CPSF2: variants seen among roughly 807,000 people sequenced by gnomAD.
CPSF2 encodes cleavage and polyadenylation specific factor 2, also known as cleavage and polyadenylation specificity factor subunit 2.
A neutral mutation model predicts 84.2 loss-of-function variants in CPSF2; 51 were observed. The ratio of observed to expected loss-of-function variants is 0.61; its 90% CI spans 0.48 to 0.77. CPSF2 has a LOEUF of 0.77. CPSF2 is among the 30% of genes least tolerant of loss of function. The pLI is 0.00. For synonymous variants in CPSF2, 286 were observed against 311.9 expected (o/e 0.92, Z 0.87); for missense variants, 641 against 929.4 (o/e 0.69, Z 4.03).
At position 92,148,797 on chromosome 14, in the gene CPSF2, G is replaced by A. The variant is rs1465452826; in HGVS notation, c.1140+5503G>A. On this transcript the variant is annotated intron_variant, in intron 9 of 15. Coordinates refer to ENST00000298875, the MANE Select transcript of CPSF2 (RefSeq NM_017437.3). The stretch of plus-strand genomic sequence containing the variant: ...AAAAAAAAAAAAAAAAGAAAGAAAT[G>A]TATATATATATATGTAGAGAGAGAG... 4.8e-5 allele frequency among the ~76,000 whole-genome samples: 7 copies of A among 147,240 alleles called. No homozygotes were observed. In the South Asian group the frequency reaches 1.1e-3, roughly 22 times the overall value.
At position 92,154,415 on chromosome 14, in the gene CPSF2, A is replaced by G; in HGVS notation, c.1198A>G (p.Lys400Glu). The change falls in exon 10 of 16, where the codon AAA becomes GAA. Residue 400 changes from lysine to glutamate, a missense_variant. By Grantham distance (56) the Lys-to-Glu change is moderately conservative (BLOSUM62 1). This residue lies in a region of CPSF2 where 430 missense variants were observed against 553.6 expected (regional missense o/e 0.78). Transcript: ENST00000298875. ...ACTTGAAGAATACTTGGAAAAAGAG[A>G]AACTAAAGAAAGAAGCTGCCAAAAA... Reference protein sequence around the residue: ...KELEEYLEKEKLKKEAAKKLE... With the variant: ...KELEEYLEKEELKKEAAKKLE... The G allele has an allele frequency of 6.2e-7, 1 of 1,610,830 alleles. No homozygotes were observed. The highest frequency in any genetic ancestry group is 8.5e-7 in the Non-Finnish European group (1 of 1,178,994).
rs2069259780 is a variant in CPSF2 at position 92,154,256 on chromosome 14, A to G, written c.1141-102A>G. ...TTCAGAGGAAACAATCAGTTTAAAGATGATAGAGCAATTTAGAGATGTGAT... is the reference window on the plus strand; with the variant it reads ...TTCAGAGGAAACAATCAGTTTAAAGGTGATAGAGCAATTTAGAGATGTGAT... On this transcript the variant is annotated intron_variant, in intron 9 of 15. Coordinates refer to ENST00000298875, the MANE Select transcript of CPSF2 (RefSeq NM_017437.3). 4.2e-6 allele frequency: 3 copies of G among 718,410 alleles called. No homozygotes were observed. In the South Asian group the frequency reaches 6.9e-5, roughly 16 times the overall value. The allele number at this position is 718,410 out of a possible 1,614,324, so 44.5% of individuals were successfully genotyped here.
rs1037729202 is a variant in CPSF2 at position 92,163,545 on chromosome 14, G to A, written c.*1801G>A. On this transcript the variant is annotated 3_prime_UTR_variant, in exon 16 of 16. Coordinates refer to ENST00000298875, the MANE Select transcript of CPSF2 (RefSeq NM_017437.3). ...ATTTAAAGCATCTGGTTTGCATATT[G>A]TATTGTAATACTGATACAGTTTGGC... is the stretch of plus-strand genomic sequence containing the variant. 1.3e-5 allele frequency: 2 copies of A among 152,584 alleles called. No individual in the cohort carries two copies. Among genetic ancestry groups the A allele is most frequent in the Non-Finnish European group, 2.9e-5 (2 of 68,034 alleles). The allele number at this position is 152,584 out of a possible 1,614,324, so 9.5% of individuals were successfully genotyped here.
intron 8 of CPSF2, among the ~76,000 whole-genome samples, chr14:92,142,621 A>G (rs2069092458): frequency 6.6e-6 from 1 of 152,226 alleles, no homozygotes; most frequent in Admixed American, 6.5e-5. Context: ...CCCAGTCTGT[A>G]AAATGGGGAC....
intron 1 of CPSF2, among the ~76,000 whole-genome samples, chr14:92,122,988 A>T (rs903424737): frequency 6.6e-6 from 1 of 150,574 alleles, no homozygotes; most frequent in African/African-American, 2.4e-5. Flanking sequence ...CGGCCTTGCA[A>T]CCCCAGTATG....
chr14:92,143,746 T>C (rs1055960489), intron 9 of CPSF2, among the ~76,000 whole-genome samples: 1 of 152,016 alleles, frequency 6.6e-6, no homozygotes, highest in Non-Finnish European at 1.5e-5. Context: ...GCTGGAACCA[T>C]AGACATGTGC....
In CPSF2 at chr14:92,170,108, G is replaced by A. The variant is rs1234696908; in HGVS notation, c.*8364G>A. 6.6e-6 allele frequency: 1 copy of A among 151,946 alleles called. No individual in the cohort carries two copies. The highest frequency in any genetic ancestry group is 1.5e-5 in the Non-Finnish European group (1 of 67,948). The allele number at this position is 151,946 out of a possible 1,614,324, so 9.4% of individuals were successfully genotyped here. On this transcript the variant is annotated 3_prime_UTR_variant, in exon 16 of 16. Transcript: ENST00000298875. ...GATCGCGCCACTGCACTCCAGCCTGGGTGACAGAGTGAGACCCTGTCTCAA... is the reference window on the plus strand; with the variant it reads ...GATCGCGCCACTGCACTCCAGCCTGAGTGACAGAGTGAGACCCTGTCTCAA...
intron 3 of CPSF2, among the ~76,000 whole-genome samples, chr14:92,133,154 T>C (rs1359800935): frequency 6.6e-6 from 1 of 151,878 alleles, no homozygotes; most frequent in Non-Finnish European, 1.5e-5. Flanking sequence ...GCGTGGTGGC[T>C]CACCCCTGTA....
chr14:92,122,264 C>T, intron 1 of CPSF2, 136 bp downstream of exon 1: 1 of 264,722 alleles, frequency 3.8e-6, no homozygotes, highest in South Asian at 3.7e-5. Flanking sequence ...TGCGACTGTC[C>T]CGGTCGTTCC....
At chr14:92,132,913 A>G (rs1595052303) in intron 3 of CPSF2, among the ~76,000 whole-genome samples, 1 of 151,986 alleles carries the variant, frequency 6.6e-6, no homozygotes, top group East Asian at 1.9e-4. Context: ...CAACATGGTG[A>G]AAGTGTGTCT....
rs980453942 is a variant in CPSF2, at chr14:92,155,116, C to G, written c.1242-7C>G. Reference sequence around the variant, plus strand: ...TATGACCTTGATCTATTCTAAAATCCTCCTAGGGCAGATATAGATTCCAGT... The same window carrying G: ...TATGACCTTGATCTATTCTAAAATCGTCCTAGGGCAGATATAGATTCCAGT... On this transcript the variant is annotated splice_region_variant and splice_polypyrimidine_tract_variant and intron_variant, in intron 10 of 15. Coordinates refer to ENST00000298875, the MANE Select transcript of CPSF2 (RefSeq NM_017437.3). The G allele has an allele frequency of 6.2e-7, 1 of 1,601,652 alleles. No homozygotes were observed. The highest frequency in any genetic ancestry group is 8.6e-7 in the Non-Finnish European group (1 of 1,169,048).
chr14:92,161,572 A>G (rs1018714345), intron 15 of CPSF2, 80 bp from the exon 16 acceptor site: 6 of 949,680 alleles, frequency 6.3e-6, no homozygotes, highest in Non-Finnish European at 9.3e-6. Context: ...AAAGTAATCT[A>G]TTTCATATAT....
At chr14:92,131,845 A>T (rs2068935468) in intron 3 of CPSF2, among the ~76,000 whole-genome samples, 1 of 152,136 alleles carries the variant, frequency 6.6e-6, no homozygotes, top group South Asian at 2.1e-4. Flanking sequence ...TTCAAAAAAA[A>T]AATAAGATAA....
rs1200418737 is a variant in CPSF2 at position 92,161,701 on chromosome 14, A to G, written c.2306A>G (p.Tyr769Cys). 35 of 1,597,430 alleles carry G rather than the reference A, an allele frequency of 2.2e-5. No individual in the cohort carries two copies. The highest frequency in any genetic ancestry group is 1.2e-4 in the Admixed American group (7 of 56,074). ...GAAGGCTGCCTTTGTCAAGATTTTT[A>G]TAGGATAAGAGACCTTTTATATGAA... ...GLEGCLCQDF[Y>C]RIRDLLYEQY... Residue 769 changes from tyrosine to cysteine, a missense_variant, in exon 16 of 16, where the codon TAT (tyrosine) becomes TGT (cysteine). Coordinates refer to ENST00000298875, the MANE Select transcript of CPSF2 (RefSeq NM_017437.3).
intron 2 of CPSF2, among the ~76,000 whole-genome samples, chr14:92,129,135 G>A (rs75656845): frequency 0.017 from 2,560 of 152,258 alleles, 63 homozygotes; most frequent in African/African-American, 0.056. Flanking sequence ...TGCTTTTCAA[G>A]TACAGGGGGT....
rs893358614 is a variant in CPSF2 at position 92,131,088 on chromosome 14, G to T, written c.104G>T (p.Gly35Val). 1 of 1,612,756 alleles carries T rather than the reference G, an allele frequency of 6.2e-7. No individual in the cohort carries two copies. Among genetic ancestry groups the T allele is most frequent in the Non-Finnish European group, 8.5e-7 (1 of 1,179,382 alleles). ...VDEFRFLLDCGWDEHFSMDII... is the reference protein window; with the variant it reads ...VDEFRFLLDCVWDEHFSMDII... ...GAGTTTAGATTTTTATTGGACTGTG[G>T]CTGGGATGAGCACTTTTCTATGGAT... Residue 35 changes from glycine to valine, a missense_variant, in exon 3 of 16, where the codon GGC becomes GTC. Coordinates refer to ENST00000298875, the MANE Select transcript of CPSF2 (RefSeq NM_017437.3).
At chr14:92,135,528 T>A in intron 6 of CPSF2, 32 bp downstream of exon 6, 1 of 1,567,270 alleles carries the variant, frequency 6.4e-7, no homozygotes, top group Non-Finnish European at 8.6e-7. Flanking sequence ...CTAAAGGCAA[T>A]GCAATTGGTA....
intron 9 of CPSF2, among the ~76,000 whole-genome samples, chr14:92,152,555 C>T (rs1186303756): frequency 6.6e-6 from 1 of 152,092 alleles, no homozygotes; most frequent in East Asian, 1.9e-4. Flanking sequence ...TCTCCTGCCT[C>T]AGCTTCCTGG....
chr14:92,153,719 T>TC lies in CPSF2; in HGVS notation c.1141-638dup, dbSNP rs2069250807. Among the ~76,000 whole-genome samples the TC allele has an allele frequency of 4.0e-5, 6 of 151,224 alleles. No homozygotes were observed. The South Asian group carries it at 1.3e-3, about 32-fold the overall frequency. On this transcript the variant is annotated intron_variant, in intron 9 of 15. Coordinates refer to ENST00000298875, the MANE Select transcript of CPSF2 (RefSeq NM_017437.3). Reference sequence around the variant, plus strand: ...CACTACTGGCTTTTTTTTTTTTTTTTCTGAGACAGAGTATTGCTTTGTCAC... The same window carrying TC: ...CACTACTGGCTTTTTTTTTTTTTTTTCCTGAGACAGAGTATTGCTTTGTCAC...
Sources: allele counts gnomAD v4.1 joint callset (sites outside exome capture counted in the v4.1 genomes callset), GRCh38; gene constraint gnomAD v4.1.1; regional missense constraint gnomAD v4.1.1; transcripts MANE v1.5; gene names NCBI Gene and HGNC (gene_info 2026-07-23, HGNC 2026-07-21).